Variants in BRINP3 observed in about 807,000 individuals in gnomAD.
The protein encoded by BRINP3 is BMP/retinoic acid inducible neural specific 3, also known as BMP/retinoic acid-inducible neural-specific protein 3.
Under a neutral mutation model 71.0 loss-of-function variants are expected in BRINP3, and 19 were observed. The observed-to-expected ratio is 0.27, with a 90% confidence interval of 0.19 to 0.39. The LOEUF is 0.39. BRINP3 is among the 10% of genes least tolerant of loss of function. The pLI is 1.00. For synonymous variants in BRINP3, 380 were observed against 337.7 expected (o/e 1.13, Z -1.37); for missense variants, 959 against 940.8 (o/e 1.02, Z -0.25).
intron 3 of BRINP3, among the ~76,000 whole-genome samples, chr1:190,268,221 A>C (rs1661817697): frequency 6.6e-6 from 1 of 152,168 alleles, no homozygotes; most frequent in African/African-American, 2.4e-5. Context: ...AATTATAACT[A>C]TTTATGATTA....
At chr1:190,219,656 G>T (rs1325061859) in intron 6 of BRINP3, among the ~76,000 whole-genome samples, 1 of 151,768 alleles carries the variant, frequency 6.6e-6, no homozygotes, top group Non-Finnish European at 1.5e-5. Context: ...TGGCCAACAT[G>T]GTGAAACCCT....
intron 2 of BRINP3, among the ~76,000 whole-genome samples, chr1:190,432,493 C>A (rs151152537): frequency 6.6e-6 from 1 of 152,288 alleles, no homozygotes; most frequent in African/African-American, 2.4e-5. Context: ...CTTTAACCAT[C>A]TATCCATCTG....
At chr1:190,270,503 A>C (rs1395074477) in intron 3 of BRINP3, among the ~76,000 whole-genome samples, 2 of 151,872 alleles carry the variant, frequency 1.3e-5, no homozygotes, top group Non-Finnish European at 3.0e-5. Flanking sequence ...CTGAAGACGA[A>C]TAAAGGTACA....
chr1:190,111,919 T>C (rs139757935), intron 7 of BRINP3, among the ~76,000 whole-genome samples: 3 of 152,254 alleles, frequency 2.0e-5, no homozygotes, highest in Non-Finnish European at 4.4e-5. Flanking sequence ...TGGATTTGCA[T>C]ACTGAGTCTC....
intron 7 of BRINP3, among the ~76,000 whole-genome samples, chr1:190,124,071 A>C (rs1653893492): frequency 6.6e-6 from 1 of 152,194 alleles, no homozygotes; most frequent in African/African-American, 2.4e-5. Context: ...TTCCTAACAT[A>C]CATGAGTTGG....
intron 7 of BRINP3, among the ~76,000 whole-genome samples, chr1:190,150,791 G>T (rs1209581222): frequency 2.0e-5 from 3 of 152,058 alleles, no homozygotes; most frequent in Non-Finnish European, 4.4e-5. Flanking sequence ...AAGAATAAGA[G>T]ATTTTAAAAT....
Position 190,129,173 on chromosome 1 carries a change from A to T in BRINP3, c.1185-30039T>A, listed in dbSNP as rs140917098. 2.1e-3 allele frequency among the ~76,000 whole-genome samples: 321 copies of T among 151,912 alleles called. 1 individual carries two copies. Among genetic ancestry groups the T allele is most frequent in the African/African-American group, 7.5e-3 (313 of 41,514 alleles). ...AACCACTCAGTTATTGTCATCTAAG[A>T]AAGGATCAAGATTAGGGACATCAGA... On this transcript the variant is annotated intron_variant, in intron 7 of 7. Coordinates refer to ENST00000367462, the MANE Select transcript of BRINP3 (RefSeq NM_199051.3).
At chr1:190,377,658 A>G (rs902465300) in intron 2 of BRINP3, among the ~76,000 whole-genome samples, 15 of 150,744 alleles carry the variant, frequency 1.0e-4, no homozygotes, top group African/African-American at 3.6e-4. Context: ...ACACACACAC[A>G]AAGTGTTAGA....
intron 1 of BRINP3, among the ~76,000 whole-genome samples, chr1:190,468,972 G>T (rs1444615687): frequency 6.6e-6 from 1 of 150,802 alleles, no homozygotes; most frequent in East Asian, 1.9e-4. Context: ...TAATAATGCT[G>T]TCTTTGAGTT....
chr1:190,181,056 C>T (rs1652986157), intron 6 of BRINP3, among the ~76,000 whole-genome samples: 1 of 152,048 alleles, frequency 6.6e-6, no homozygotes, highest in Admixed American at 6.6e-5. Flanking sequence ...AACAATCCCT[C>T]CACTTCCAAC....
intron 4 of BRINP3, among the ~76,000 whole-genome samples, chr1:190,253,064 G>T (rs1454534213): frequency 6.6e-6 from 1 of 152,086 alleles, no homozygotes; most frequent in Non-Finnish European, 1.5e-5. Context: ...TGCTCAGAAT[G>T]ATGGTTTCCA....
rs370565097 is a variant in BRINP3 at position 190,137,282 on chromosome 1, G to A, written c.1184+23386C>T. Among the ~76,000 whole-genome samples, 7 of 152,162 alleles carry A rather than the reference G, an allele frequency of 4.6e-5. No homozygotes were observed. In the South Asian group the frequency reaches 1.5e-3, roughly 32 times the overall value. On this transcript the variant is annotated intron_variant, in intron 7 of 7. Coordinates refer to ENST00000367462, the MANE Select transcript of BRINP3 (RefSeq NM_199051.3). Reference sequence around the variant, plus strand: ...TAGATGAAAGAGAGCAAATAAGGATGCCAGTTTATCCGGTTTTTATTTTTG... The same window carrying A: ...TAGATGAAAGAGAGCAAATAAGGATACCAGTTTATCCGGTTTTTATTTTTG...
chr1:190,157,474 C>A (rs1035705258), intron 7 of BRINP3, among the ~76,000 whole-genome samples: 3 of 152,112 alleles, frequency 2.0e-5, no homozygotes, highest in Admixed American at 1.3e-4. Context: ...ACATACATAT[C>A]CAGCTCTAGA....
At chr1:190,354,675 T>A (rs1399403557) in intron 2 of BRINP3, among the ~76,000 whole-genome samples, 1 of 151,812 alleles carries the variant, frequency 6.6e-6, no homozygotes, top group Non-Finnish European at 1.5e-5. Context: ...TCGTGATACC[T>A]CACTAAATAT....
intron 3 of BRINP3, 107 bp from the exon 4 acceptor site, chr1:190,265,162 G>A: frequency 1.0e-6 from 1 of 1,000,998 alleles, no homozygotes; most frequent in South Asian, 1.6e-5. Flanking sequence ...AAACAAAGGA[G>A]TGATATATGC....
intron 2 of BRINP3, among the ~76,000 whole-genome samples, chr1:190,366,530 T>C (rs1669514045): frequency 6.6e-6 from 1 of 152,102 alleles, no homozygotes; most frequent in Admixed American, 6.6e-5. Flanking sequence ...CCAAATCTCA[T>C]ATTCTCACAT....
At chr1:190,306,664 G>T (rs747807849) in intron 2 of BRINP3, among the ~76,000 whole-genome samples, 8 of 147,946 alleles carry the variant, frequency 5.4e-5, no homozygotes, top group Non-Finnish European at 1.2e-4. Flanking sequence ...GGATGGATCA[G>T]TTTTTTTTTT....
rs147573045 is a variant in BRINP3 at position 190,226,148 on chromosome 1, T to C, written c.895A>G (p.Met299Val). 6.0e-5 allele frequency: 96 copies of C among 1,612,224 alleles called. No homozygotes were observed. The highest frequency in any genetic ancestry group is 7.4e-5 in the Non-Finnish European group (87 of 1,178,854). ...CNCPSMDIQA[M>V]EENLLRITET... ...GTTATTCGAAGAAGATTCTCTTCCA[T>C]GGCTTGAATGTCCATGGAGGGGCAG... Residue 299 changes from methionine to valine, a missense_variant, in exon 6 of 8, where the codon ATG becomes GTG. By Grantham distance (21) the Met-to-Val change is conservative (BLOSUM62 1). Coordinates refer to ENST00000367462, the MANE Select transcript of BRINP3 (RefSeq NM_199051.3).
intron 2 of BRINP3, among the ~76,000 whole-genome samples, chr1:190,337,815 C>A (rs1667389641): frequency 6.6e-6 from 1 of 151,976 alleles, no homozygotes; most frequent in Non-Finnish European, 1.5e-5. Context: ...CTAGAGAACC[C>A]TGACTAATAC....
Sources: allele counts gnomAD v4.1 joint callset (sites outside exome capture counted in the v4.1 genomes callset), GRCh38; gene constraint gnomAD v4.1.1; transcripts MANE v1.5; gene names NCBI Gene and HGNC (gene_info 2026-07-23, HGNC 2026-07-21).